Variants in SLC1A6 observed in about 807,000 individuals in gnomAD.
SLC1A6 encodes the protein excitatory amino acid transporter 4.
A neutral mutation model predicts 42.1 loss-of-function variants in SLC1A6; 15 were observed. The ratio of observed to expected loss-of-function variants is 0.36; its 90% CI spans 0.24 to 0.55. The LOEUF (loss-of-function observed/expected upper bound fraction) is 0.55, where lower values mean the gene tolerates loss of function less well. SLC1A6 is among the 20% of genes least tolerant of loss of function. The probability of loss-of-function intolerance (pLI) is 0.88; values close to 1 mark genes in which losing one functional copy is unlikely to be tolerated. For synonymous variants in SLC1A6, 317 were observed against 319.7 expected, an observed-to-expected ratio of 0.99 and a Z score of 0.09; for missense variants, 542 against 772.5, an observed-to-expected ratio of 0.70 and a Z score of 3.54.
chr19:14,973,059 C>T (rs2045663647), intron 1 of SLC1A6, 142 bp from the exon 2 acceptor site: 1 of 639,434 alleles, frequency 1.6e-6, no homozygotes, highest in Admixed American at 3.0e-5. Flanking sequence ...TGGCTCACGC[C>T]TGTAATCCCA....
At chr19:14,984,349 A>C (rs978167428), upstream of SLC1A6, among the ~76,000 whole-genome samples, 4 of 152,282 alleles carry the variant, frequency 2.6e-5, no homozygotes, top group South Asian at 2.1e-4. Flanking sequence ...TAAAAAACAA[A>C]AAAAAAAGCA....
intron 1 of SLC1A6, among the ~76,000 whole-genome samples, chr19:14,986,092 C>CA (rs1045801847): frequency 5.4e-5 from 7 of 129,292 alleles, no homozygotes; most frequent in African/African-American, 9.0e-5. Flanking sequence ...AACACTCACA[C>CA]AAGCAGTAAT....
chr19:14,969,778 G>C (rs1223739173), intron 3 of SLC1A6, among the ~76,000 whole-genome samples: 5 of 152,118 alleles, frequency 3.3e-5, no homozygotes, highest in Admixed American at 2.6e-4. Context: ...CCGGCCCTCT[G>C]CCTGCTTTTG....
intron 1 of SLC1A6, among the ~76,000 whole-genome samples, chr19:15,000,986 C>T (rs2045869597): frequency 6.6e-6 from 1 of 152,286 alleles, no homozygotes; most frequent in Non-Finnish European, 1.5e-5. Context: ...TTGGGTTATC[C>T]CACAAACAGA....
At chr19:14,956,790 G>C in intron 6 of SLC1A6, 81 bp from the exon 7 acceptor site, 1 of 892,410 alleles carries the variant, frequency 1.1e-6, no homozygotes, top group Non-Finnish European at 1.8e-6. Context: ...CCAAGGCTTT[G>C]CCCATATAGG....
chr19:14,989,414 A>T (rs974324308), intron 1 of SLC1A6, among the ~76,000 whole-genome samples: 2 of 151,846 alleles, frequency 1.3e-5, no homozygotes, highest in Non-Finnish European at 2.9e-5. Flanking sequence ...GGCATGCACC[A>T]CCACGCCTGG....
chr19:14,956,340 C>T (rs1043553628), intron 7 of SLC1A6, 136 bp downstream of exon 7: 9 of 566,022 alleles, frequency 1.6e-5, no homozygotes, highest in Admixed American at 1.0e-4. Flanking sequence ...CAGGTGTTGA[C>T]ATTATGAGCC....
At chr19:14,952,349 C>T (rs1265774610) in intron 9 of SLC1A6, among the ~76,000 whole-genome samples, 1 of 151,434 alleles carries the variant, frequency 6.6e-6, no homozygotes, top group Non-Finnish European at 1.5e-5. Flanking sequence ...GAGATCGAGA[C>T]CATCCTGGCT....
At chr19:14,999,659 T>C (rs1294309055) in intron 1 of SLC1A6, among the ~76,000 whole-genome samples, 1 of 152,190 alleles carries the variant, frequency 6.6e-6, no homozygotes, top group African/African-American at 2.4e-5. Flanking sequence ...CAAATCTCTT[T>C]CAGCAATTTT....
intron 8 of SLC1A6, among the ~76,000 whole-genome samples, chr19:14,953,889 C>CAAAT (rs764017620): frequency 5.5e-4 from 84 of 152,320 alleles, no homozygotes; most frequent in African/African-American, 1.4e-3. Flanking sequence ...AAACACTGGA[C>CAAAT]AAATGGATCT....
chr19:15,007,474 C>A (rs59606011), intron 1 of SLC1A6, among the ~76,000 whole-genome samples: 11,000 of 152,080 alleles, frequency 0.072, 930 homozygotes, highest in African/African-American at 0.21. Flanking sequence ...GTGGTGATTG[C>A]ACCACACTGT....
At chr19:15,005,137 A>G (rs12981757) in intron 1 of SLC1A6, among the ~76,000 whole-genome samples, 121,724 of 152,008 alleles carry the variant, frequency 0.8, 48,880 homozygotes, top group South Asian at 0.86. Flanking sequence ...GCACATGCCC[A>G]TAGGGCCAGC....
chr19:14,964,174 T>A, intron 5 of SLC1A6, 145 bp downstream of exon 5: 1 of 680,280 alleles, frequency 1.5e-6, no homozygotes, highest in South Asian at 1.7e-5. Flanking sequence ...GGAAAATACA[T>A]CCTTTCTCCT....
chr19:14,950,182 A>G lies in SLC1A6; in HGVS notation c.*13T>C. On this transcript the variant is annotated 3_prime_UTR_variant, in exon 10 of 10. Transcript: ENST00000594383. Reference sequence around the variant, plus strand: ...CCTTCCCTCCTCTCTGGGGGGGCAGAGCTGGAGGCCCCTCACATAGCACTC... The same window carrying G: ...CCTTCCCTCCTCTCTGGGGGGGCAGGGCTGGAGGCCCCTCACATAGCACTC... 6.6e-7 allele frequency: 1 copy of G among 1,512,590 alleles called. No homozygotes were observed. Among genetic ancestry groups the G allele is most frequent in the East Asian group, 2.4e-5 (1 of 41,644 alleles). 93.7% of individuals were successfully genotyped at this position (1,512,590 alleles called of 1,614,324 possible).
At chr19:15,002,071 T>G (rs759241470) in intron 1 of SLC1A6, among the ~76,000 whole-genome samples, 2 of 152,050 alleles carry the variant, frequency 1.3e-5, no homozygotes, top group Non-Finnish European at 2.9e-5. Context: ...ACGCTATTTC[T>G]CTTTTATTTT....
intron 1 of SLC1A6, among the ~76,000 whole-genome samples, chr19:14,996,107 G>A (rs534698249): frequency 6.6e-6 from 1 of 152,328 alleles, no homozygotes; most frequent in African/African-American, 2.4e-5. Flanking sequence ...CTGCTTTCCA[G>A]GTGGAGATAT....
At chr19:15,006,818 G>A (rs1430272795) in intron 1 of SLC1A6, among the ~76,000 whole-genome samples, 2 of 151,988 alleles carry the variant, frequency 1.3e-5, no homozygotes, top group Non-Finnish European at 2.9e-5. Context: ...TATGCATGGT[G>A]GCACATGCCC....
intron 1 of SLC1A6, among the ~76,000 whole-genome samples, chr19:15,006,103 T>C (rs1306509929): frequency 6.6e-6 from 1 of 152,236 alleles, no homozygotes; most frequent in Admixed American, 6.5e-5. Context: ...CATGGATTCA[T>C]TCTATTAATA....
chr19:14,973,118 A>G, intron 1 of SLC1A6: 3 of 574,168 alleles, frequency 5.2e-6, no homozygotes, highest in South Asian at 2.4e-5. Context: ...CAGGAGTTCA[A>G]GACTGGCCTG....
Sources: allele counts gnomAD v4.1 joint callset (sites outside exome capture counted in the v4.1 genomes callset), GRCh38; gene constraint gnomAD v4.1.1; transcripts MANE v1.5; gene names NCBI Gene and HGNC (gene_info 2026-07-23, HGNC 2026-07-21).